Variants in PTPRT observed in about 807,000 individuals in gnomAD.
The protein encoded by PTPRT is protein tyrosine phosphatase receptor type T.
Under a neutral mutation model 176.8 loss-of-function variants are expected in PTPRT, and 56 were observed. That is an observed-to-expected ratio of 0.32 (90% CI 0.26 to 0.40). The LOEUF is 0.40. Among genes scored for constraint, PTPRT ranks in the 10% least tolerant of loss-of-function variants. The probability of loss-of-function intolerance (pLI) is 1.00; values close to 1 mark genes in which losing one functional copy is unlikely to be tolerated. For missense variants in PTPRT, 1,540 were observed against 1,908.2 expected, an observed-to-expected ratio of 0.81 and a Z score of 3.60; for synonymous variants, 783 against 739.0, an observed-to-expected ratio of 1.06 and a Z score of -0.96.
chr20:42,086,140 T>C (rs1288798002), intron 27 of PTPRT, among the ~76,000 whole-genome samples: 1 of 152,094 alleles, frequency 6.6e-6, no homozygotes, highest in Non-Finnish European at 1.5e-5. Flanking sequence ...GGTTTCGCCG[T>C]GTTGGCCAGG....
At chr20:42,958,222 G>A (rs1399744921) in intron 1 of PTPRT, among the ~76,000 whole-genome samples, 2 of 104,128 alleles carry the variant, frequency 1.9e-5, no homozygotes, top group African/African-American at 4.0e-5. Flanking sequence ...AGGGAGAGAG[G>A]GAGACAGGGA....
chr20:42,629,322 T>C (rs1476465272), intron 7 of PTPRT, among the ~76,000 whole-genome samples: 1 of 152,202 alleles, frequency 6.6e-6, no homozygotes, highest in African/African-American at 2.4e-5. Flanking sequence ...GATGGAACTA[T>C]AGTTGTCAAA....
intron 1 of PTPRT, among the ~76,000 whole-genome samples, chr20:43,163,533 G>A (rs2014765957): frequency 6.6e-6 from 1 of 152,056 alleles, no homozygotes; most frequent in Admixed American, 6.5e-5. Context: ...AGCTACTCAG[G>A]AGGCTGTGGC....
rs555106318 is a variant in PTPRT, at chr20:43,001,224, A to T, written c.89-115292T>A. 6.7e-4 allele frequency among the ~76,000 whole-genome samples: 102 copies of T among 152,312 alleles called. 1 individual carries two copies. Among genetic ancestry groups the T allele is most frequent in the African/African-American group, 2.2e-3 (93 of 41,580 alleles). On this transcript the variant is annotated intron_variant, in intron 1 of 30. Coordinates refer to ENST00000373187, the MANE Select transcript of PTPRT (RefSeq NM_007050.6). ...GGAATCATGAATGCACTATTGCTGA[A>T]CTGAAAGCTAGGAGTCACATTCTAA...
At chr20:42,844,278 G>T (rs1429575530) in intron 2 of PTPRT, among the ~76,000 whole-genome samples, 2 of 152,140 alleles carry the variant, frequency 1.3e-5, no homozygotes, top group Non-Finnish European at 2.9e-5. Context: ...TTTTTGTGAT[G>T]AAAACATACC....
intron 16 of PTPRT, among the ~76,000 whole-genome samples, chr20:42,170,484 T>C (rs1990031607): frequency 6.6e-6 from 1 of 152,132 alleles, no homozygotes; most frequent in African/African-American, 2.4e-5. Flanking sequence ...AAGAAGTAGC[T>C]AGAAAAAATA....
chr20:42,827,711 T>C (rs1606159), intron 2 of PTPRT, among the ~76,000 whole-genome samples: 44,628 of 152,082 alleles, frequency 0.29, 7,850 homozygotes, highest in Non-Finnish European at 0.4. Flanking sequence ...GTTACCTATA[T>C]GCTGCCATTC....
chr20:42,280,119 G>A (rs1568734881), intron 13 of PTPRT, among the ~76,000 whole-genome samples: 1 of 151,158 alleles, frequency 6.6e-6, no homozygotes, highest in African/African-American at 2.5e-5. Flanking sequence ...TGATCCGGGT[G>A]GTCAGGAAGG....
chr20:42,098,296 C>T, intron 27 of PTPRT, 125 bp downstream of exon 27: 1 of 1,342,632 alleles, frequency 7.4e-7, no homozygotes, highest in Non-Finnish European at 1.0e-6. Flanking sequence ...CGTGGCCAGA[C>T]ACTGCTTATT....
intron 8 of PTPRT, among the ~76,000 whole-genome samples, chr20:42,463,866 T>G (rs1406996330): frequency 3.9e-5 from 6 of 152,218 alleles, no homozygotes; most frequent in African/African-American, 1.4e-4. Flanking sequence ...AATTTTAGTC[T>G]CATATTTCCT....
chr20:42,260,392 G>A (rs908471119), intron 13 of PTPRT, among the ~76,000 whole-genome samples: 6 of 152,218 alleles, frequency 3.9e-5, no homozygotes, highest in East Asian at 1.9e-4. Flanking sequence ...GCTCAAAGCC[G>A]CTTAGCTGCT....
downstream of PTPRT, among the ~76,000 whole-genome samples, chr20:42,071,120 G>C (rs6029957): frequency 6.6e-6 from 1 of 152,156 alleles, no homozygotes; most frequent in African/African-American, 2.4e-5. Context: ...CATGTATCTA[G>C]GTTCCTCAGG....
chr20:42,388,598 A>G (rs1447168162), intron 9 of PTPRT, among the ~76,000 whole-genome samples: 2 of 152,210 alleles, frequency 1.3e-5, no homozygotes, highest in Non-Finnish European at 2.9e-5. Flanking sequence ...ACCAGTTAGA[A>G]TGGCGATTAT....
chr20:42,517,215 G>A (rs954974618), intron 7 of PTPRT, among the ~76,000 whole-genome samples: 4 of 151,856 alleles, frequency 2.6e-5, no homozygotes, highest in Non-Finnish European at 5.9e-5. Context: ...ATCCTTTAAA[G>A]ATTACAGGAC....
intron 1 of PTPRT, among the ~76,000 whole-genome samples, chr20:42,895,051 G>A (rs996988439): frequency 1.3e-5 from 2 of 152,198 alleles, no homozygotes; most frequent in African/African-American, 4.8e-5. Context: ...GGTCAAAGCA[G>A]TTATTTTTTA....
intron 7 of PTPRT, among the ~76,000 whole-genome samples, chr20:42,622,552 T>G (rs540373397): frequency 8.3e-4 from 127 of 152,186 alleles, no homozygotes; most frequent in South Asian, 5.2e-3. Context: ...ACTTAAATTT[T>G]AAGGGAGGCA....
At chr20:42,253,246 A>G (rs529554122) in intron 13 of PTPRT, among the ~76,000 whole-genome samples, 144 of 152,278 alleles carry the variant, frequency 9.5e-4, no homozygotes, top group Middle Eastern at 6.8e-3. Context: ...AAAAAAGCAC[A>G]TCAGGGTTGG....
At chr20:42,259,402 T>C (rs1166565961) in intron 13 of PTPRT, among the ~76,000 whole-genome samples, 1 of 152,250 alleles carries the variant, frequency 6.6e-6, no homozygotes, top group Non-Finnish European at 1.5e-5. Context: ...ACAGTCATTA[T>C]TGACACACCC....
intron 1 of PTPRT, among the ~76,000 whole-genome samples, chr20:43,032,585 C>A (rs1325117546): frequency 6.6e-6 from 1 of 151,576 alleles, no homozygotes; most frequent in African/African-American, 2.4e-5. Context: ...TGTTTATGTT[C>A]ACTTGATAAA....
Sources: gnomAD v4.1 joint callset for allele counts (sites outside exome capture counted in the v4.1 genomes callset) on GRCh38, gnomAD v4.1.1 for gene constraint, MANE v1.5 for transcripts, NCBI Gene and HGNC (gene_info 2026-07-23, HGNC 2026-07-21) for gene names.